Variants in SLC30A8 observed in about 807,000 individuals in gnomAD.
SLC30A8 encodes the protein proton-coupled zinc antiporter SLC30A8.
A neutral mutation model predicts 36.9 loss-of-function variants in SLC30A8; 27 were observed. The observed-to-expected ratio is 0.73, with a 90% confidence interval of 0.54 to 1.01. The LOEUF (loss-of-function observed/expected upper bound fraction) is 1.01, where lower values mean the gene tolerates loss of function less well. SLC30A8 is among the 50% of genes least tolerant of loss of function. The pLI is 0.00. For missense variants in SLC30A8, 439 were observed against 452.0 expected (o/e 0.97, Z 0.26); for synonymous variants, 164 against 172.4 (o/e 0.95, Z 0.38).
chr8:117,158,109 C>T (rs749037354), intron 4 of SLC30A8, among the ~76,000 whole-genome samples: 10 of 152,344 alleles, frequency 6.6e-5, no homozygotes, highest in Non-Finnish European at 1.3e-4. Context: ...ATATTACCAA[C>T]TTTAATGTTC....
chr8:117,032,115 G>A (rs955934044), intron 1 of SLC30A8, among the ~76,000 whole-genome samples: 1 of 151,496 alleles, frequency 6.6e-6, no homozygotes, highest in African/African-American at 2.4e-5. Context: ...ACATTCCTAC[G>A]CATGCTTTGT....
At chr8:117,150,900 C>T (rs147432731) in intron 2 of SLC30A8, among the ~76,000 whole-genome samples, 35 of 152,112 alleles carry the variant, frequency 2.3e-4, no homozygotes, top group African/African-American at 7.2e-4. Flanking sequence ...CCACCAAGCC[C>T]GGCCAGAAGT....
At chr8:117,087,951 C>A (rs777877945) in intron 2 of SLC30A8, among the ~76,000 whole-genome samples, 1 of 150,978 alleles carries the variant, frequency 6.6e-6, no homozygotes, top group African/African-American at 2.4e-5. Flanking sequence ...AGAAAGTAGG[C>A]GGTGGGGGAG....
exon 2 of SLC30A8, chr8:117,039,251 G>GT (rs2130753536): frequency 6.6e-6 from 1 of 152,292 alleles, no homozygotes; most frequent in South Asian, 2.1e-4. Context: ...CAACAGCACA[G>GT]TACCTAGGTA....
intron 7 of SLC30A8, 132 bp from the exon 8 acceptor site, chr8:117,172,404 G>A (rs908327463): frequency 2.7e-5 from 30 of 1,111,002 alleles, no homozygotes; most frequent in African/African-American, 2.6e-4. Flanking sequence ...CAGAGCAAAC[G>A]TGGCTTCCTC....
chr8:117,136,808 A>C (rs1455920513), intron 1 of SLC30A8, among the ~76,000 whole-genome samples: 2 of 152,010 alleles, frequency 1.3e-5, no homozygotes, highest in African/African-American at 4.8e-5. Context: ...TTTGTTGCAC[A>C]AATAAGCCAA....
At position 117,012,471 on chromosome 8, in the gene SLC30A8, C is replaced by A. The variant is rs552253510; in HGVS notation, c.-265-26748C>A. On this transcript the variant is annotated intron_variant, in intron 1 of 10. Coordinates refer to the SLC30A8 transcript ENST00000427715. ...ACAGACTTTTGTCATGTCATTATTA[C>A]CCATACAATACAGTATGACAACTAT... Among the ~76,000 whole-genome samples the A allele has an allele frequency of 5.5e-4, 83 of 151,900 alleles. 2 individuals are homozygous for A. In the South Asian group the frequency reaches 0.016, roughly 29 times the overall value.
intron 3 of SLC30A8, 92 bp from the exon 4 acceptor site, chr8:117,157,599 G>T: frequency 7.1e-7 from 1 of 1,415,024 alleles, no homozygotes; most frequent in Admixed American, 2.1e-5. Flanking sequence ...CTTTTTGGGG[G>T]AAGTGGCAAA....
At chr8:117,026,963 G>A (rs749932667) in intron 1 of SLC30A8, among the ~76,000 whole-genome samples, 10 of 152,036 alleles carry the variant, frequency 6.6e-5, no homozygotes, top group Admixed American at 2.0e-4. Flanking sequence ...TGGTCCGGGC[G>A]CCACTAGATT....
chr8:117,050,283 T>C (rs2130770919), intron 2 of SLC30A8, among the ~76,000 whole-genome samples: 1 of 152,312 alleles, frequency 6.6e-6, no homozygotes, highest in South Asian at 2.1e-4. Context: ...TATAGAGCAG[T>C]AGCCTTGGTG....
chr8:117,129,626 T>C (rs147517620), intron 2 of SLC30A8, among the ~76,000 whole-genome samples: 95 of 152,154 alleles, frequency 6.2e-4, no homozygotes, highest in African/African-American at 2.2e-3. Context: ...TATATATATG[T>C]AATACCTAAA....
In SLC30A8 at chr8:117,158,785, T is replaced by C. The variant is rs76359927; in HGVS notation, c.572+941T>C. Among the ~76,000 whole-genome samples the C allele has an allele frequency of 2.1e-4, 19 of 88,902 alleles. No homozygotes were observed. In the East Asian group the frequency reaches 2.2e-3, roughly 10 times the overall value. The allele number at this position is 88,902 out of a possible 152,430, so 58.3% of individuals were successfully genotyped here. On this transcript the variant is annotated intron_variant, in intron 4 of 7. Coordinates refer to ENST00000456015, the MANE Select transcript of SLC30A8 (RefSeq NM_173851.3). ...CTACTTAAAACTCCATCCATCCATC[T>C]ATCTATCTAGTGATCTAGCTAGCTA... is the stretch of plus-strand genomic sequence containing the variant.
chr8:117,156,421 T>C (rs948821772), intron 3 of SLC30A8, among the ~76,000 whole-genome samples: 6 of 152,208 alleles, frequency 3.9e-5, no homozygotes, highest in Non-Finnish European at 7.3e-5. Context: ...TTTACATATA[T>C]TCTATTATTA....
intron 6 of SLC30A8, among the ~76,000 whole-genome samples, chr8:117,166,766 A>ATTTTTTT (rs71305462): frequency 2.3e-5 from 3 of 128,672 alleles, no homozygotes; most frequent in Non-Finnish European, 3.2e-5. Flanking sequence ...ACATTAGCTG[A>ATTTTTTT]TTTTTTTTTT....
At chr8:117,048,798 C>G (rs1817626198) in intron 2 of SLC30A8, among the ~76,000 whole-genome samples, 1 of 152,098 alleles carries the variant, frequency 6.6e-6, no homozygotes, top group Non-Finnish European at 1.5e-5. Flanking sequence ...ACATTCATTG[C>G]CAAAAATAAG....
At chr8:117,031,828 C>A (rs751829937) in intron 1 of SLC30A8, among the ~76,000 whole-genome samples, 2 of 152,114 alleles carry the variant, frequency 1.3e-5, no homozygotes, top group African/African-American at 4.8e-5. Flanking sequence ...GATGCCAATG[C>A]TAAGCTTCTG....
Position 117,176,033 on chromosome 8 carries a change from C to T in SLC30A8, c.*3352C>T, listed in dbSNP as rs1201399182. The T allele has an allele frequency of 6.6e-6, 1 of 152,052 alleles. No individual in the cohort carries two copies. The highest frequency in any genetic ancestry group is 2.4e-5 in the African/African-American group (1 of 41,422). 9.4% of individuals were successfully genotyped at this position (152,052 alleles called of 1,614,324 possible). On this transcript the variant is annotated 3_prime_UTR_variant, in exon 8 of 8. Transcript: ENST00000456015. The stretch of plus-strand genomic sequence containing the variant: ...GCAATGAAGGCAAAGTCATAGGTCT[C>T]CCAAGTCTTACCCCATTCCTGTGAA...
In SLC30A8 at chr8:117,161,710, G is replaced by A; in HGVS notation, c.573-28G>A. Reference sequence around the variant, plus strand: ...TACGTTTTTAAGACTGACCTCATGTGTGCTAAGAACATTGTTCTCTCTTTC... The same window carrying A: ...TACGTTTTTAAGACTGACCTCATGTATGCTAAGAACATTGTTCTCTCTTTC... On this transcript the variant is annotated intron_variant, in intron 4 of 7. Coordinates refer to ENST00000456015, the MANE Select transcript of SLC30A8 (RefSeq NM_173851.3). 5 of 1,603,062 alleles carry A rather than the reference G, an allele frequency of 3.1e-6. 1 individual carries two copies.
intron 5 of SLC30A8, among the ~76,000 whole-genome samples, chr8:117,162,222 C>T (rs976705158): frequency 1.1e-4 from 16 of 152,134 alleles, no homozygotes; most frequent in Admixed American, 6.6e-4. Context: ...GTTTTAGAAA[C>T]GATCCAACTT....
Sources: gnomAD v4.1 joint callset for allele counts (sites outside exome capture counted in the v4.1 genomes callset) on GRCh38, gnomAD v4.1.1 for gene constraint, MANE v1.5 for transcripts, NCBI Gene and HGNC (gene_info 2026-07-23, HGNC 2026-07-21) for gene names.